The following CAMKMT variants were observed in gnomAD, a reference collection of about 807,000 sequenced individuals.
CAMKMT encodes CaM KMT.
Under a neutral mutation model 48.0 loss-of-function variants are expected in CAMKMT, and 53 were observed. That is an observed-to-expected ratio of 1.10 (90% CI 0.89 to 1.39). The LOEUF is 1.39. Ranked by LOEUF, CAMKMT falls within the 40% of genes most tolerant of loss-of-function variation. The pLI is 0.00. For synonymous variants in CAMKMT, 165 were observed against 152.3 expected (o/e 1.08, Z -0.61); for missense variants, 428 against 402.7 (o/e 1.06, Z -0.54).
chr2:44,771,991 C>A, intron 10 of CAMKMT, 45 bp from the exon 11 acceptor site: 1 of 1,302,046 alleles, frequency 7.7e-7, no homozygotes, highest in Non-Finnish European at 1.1e-6. Context: ...GTAAAGATCC[C>A]TAATTGGAGT....
chr2:44,558,425 A>G (rs1668139037), intron 3 of CAMKMT, among the ~76,000 whole-genome samples: 1 of 152,138 alleles, frequency 6.6e-6, no homozygotes, highest in Admixed American at 6.6e-5. Flanking sequence ...ACCAATTTAC[A>G]TATATGGGAA....
At chr2:44,577,011 G>A (rs898446172) in intron 3 of CAMKMT, among the ~76,000 whole-genome samples, 2 of 152,178 alleles carry the variant, frequency 1.3e-5, no homozygotes, top group Non-Finnish European at 1.5e-5. Context: ...AAGAAATGCC[G>A]TTTCTTCAAA....
chr2:44,669,919 T>G (rs1675232764), intron 3 of CAMKMT, among the ~76,000 whole-genome samples: 1 of 152,226 alleles, frequency 6.6e-6, no homozygotes, highest in Non-Finnish European at 1.5e-5. Context: ...ATTACAGGTG[T>G]GAGTCCCTGT....
Position 44,440,129 on chromosome 2 carries a change from T to A in CAMKMT, c.376+49824T>A, listed in dbSNP as rs143821100. 1.1e-3 allele frequency among the ~76,000 whole-genome samples: 171 copies of A among 152,234 alleles called. 1 individual carries two copies. The highest frequency in any genetic ancestry group is 3.8e-3 in the African/African-American group (157 of 41,556). ...AGGGTTTTATTTGTTGTTGTTTGTG[T>A]TTACTTATACAGGTCTTATAAAAAT... On this transcript the variant is annotated intron_variant, in intron 3 of 10. Coordinates refer to ENST00000378494, the MANE Select transcript of CAMKMT (RefSeq NM_024766.5).
intron 3 of CAMKMT, among the ~76,000 whole-genome samples, chr2:44,454,254 G>C (rs896501230): frequency 6.6e-6 from 1 of 152,056 alleles, no homozygotes; most frequent in Non-Finnish European, 1.5e-5. Flanking sequence ...TTTCTAAGTT[G>C]AGCTAATTGC....
chr2:44,449,350 C>T (rs1667171096), intron 3 of CAMKMT, among the ~76,000 whole-genome samples: 1 of 152,146 alleles, frequency 6.6e-6, no homozygotes, highest in Non-Finnish European at 1.5e-5. Flanking sequence ...CTGACTATCT[C>T]TGTGCTGATA....
chr2:44,404,791 T>G (rs1572781221), intron 3 of CAMKMT, among the ~76,000 whole-genome samples: 1 of 152,232 alleles, frequency 6.6e-6, no homozygotes, highest in South Asian at 2.1e-4. Context: ...CTTTTTCTAC[T>G]GTCTTAGATG....
rs1672019121 is a variant in CAMKMT at position 44,618,641 on chromosome 2, C to G, written c.377-85642C>G. On this transcript the variant is annotated intron_variant, in intron 3 of 10. Transcript: ENST00000378494. The surrounding 1 kb of genome is among the most constrained non-coding windows in gnomAD (Gnocchi z 4.0). ...GATCCTGTCAGGAGCAAGTTGATGACTTAATAGTCTTTCTTGAGTGGATTT... is the reference window on the plus strand; with the variant it reads ...GATCCTGTCAGGAGCAAGTTGATGAGTTAATAGTCTTTCTTGAGTGGATTT... Among the ~76,000 whole-genome samples the G allele has an allele frequency of 6.6e-6, 1 of 152,136 alleles. No homozygotes were observed. The highest frequency in any genetic ancestry group is 1.5e-5 in the Non-Finnish European group (1 of 68,034).
chr2:44,363,035 T>G (rs1339715699), intron 1 of CAMKMT, among the ~76,000 whole-genome samples: 1 of 152,228 alleles, frequency 6.6e-6, no homozygotes, highest in Non-Finnish European at 1.5e-5. Context: ...CTATTGCCAC[T>G]TTACTTGAGA....
chr2:44,741,116 A>G (rs1257105705), intron 7 of CAMKMT, among the ~76,000 whole-genome samples: 2 of 152,226 alleles, frequency 1.3e-5, no homozygotes, highest in East Asian at 1.9e-4. Context: ...CAAGCATATG[A>G]TCAGTGGACT....
intron 3 of CAMKMT, among the ~76,000 whole-genome samples, chr2:44,489,324 C>T (rs1669372580): frequency 6.8e-6 from 1 of 146,856 alleles, no homozygotes; most frequent in Non-Finnish European, 1.5e-5. Context: ...TGGCTCACTG[C>T]AATCTCTGCC....
chr2:44,626,154 T>C (rs1672469483), intron 3 of CAMKMT, among the ~76,000 whole-genome samples: 1 of 152,208 alleles, frequency 6.6e-6, no homozygotes, highest in Admixed American at 6.5e-5. Context: ...TGATCCATAA[T>C]AATGATATCT....
At chr2:44,521,617 C>T (rs552137465) in intron 3 of CAMKMT, among the ~76,000 whole-genome samples, 9 of 152,294 alleles carry the variant, frequency 5.9e-5, no homozygotes, top group Non-Finnish European at 1.0e-4. Context: ...TGAGGCATAA[C>T]GAGGTTAGGC....
At chr2:44,659,036 G>A (rs891882785) in intron 3 of CAMKMT, among the ~76,000 whole-genome samples, 1 of 139,756 alleles carries the variant, frequency 7.2e-6, no homozygotes, top group African/African-American at 2.7e-5. Flanking sequence ...TAGTGATCCT[G>A]TGGTTTTTAT....
intron 3 of CAMKMT, among the ~76,000 whole-genome samples, chr2:44,640,320 T>A (rs1301157145): frequency 6.6e-6 from 1 of 152,208 alleles, no homozygotes; most frequent in Non-Finnish European, 1.5e-5. Context: ...TCCCCTTTTA[T>A]GTAGAGTTTT....
At chr2:44,472,414 C>A (rs181642871) in intron 3 of CAMKMT, among the ~76,000 whole-genome samples, 1 of 152,048 alleles carries the variant, frequency 6.6e-6, no homozygotes, top group African/African-American at 2.4e-5. Flanking sequence ...TAGTAGTCAG[C>A]GAATAAATTG....
At chr2:44,683,714 T>G (rs1573068794) in intron 3 of CAMKMT, among the ~76,000 whole-genome samples, 1 of 147,026 alleles carries the variant, frequency 6.8e-6, no homozygotes, top group Admixed American at 6.9e-5. Flanking sequence ...TCCCAGCTAC[T>G]CGGGAGGCTG....
intron 3 of CAMKMT, among the ~76,000 whole-genome samples, chr2:44,700,460 T>C (rs2104254357): frequency 6.6e-6 from 1 of 152,318 alleles, no homozygotes; most frequent in South Asian, 2.1e-4. Flanking sequence ...TTTCTAGCTT[T>C]TGATTTAAAG....
chr2:44,670,435 T>C (rs1049338676), intron 3 of CAMKMT, among the ~76,000 whole-genome samples: 19 of 152,012 alleles, frequency 1.2e-4, no homozygotes, highest in Non-Finnish European at 4.4e-5. Flanking sequence ...TGGAGTGCAG[T>C]GATTGCACCA....
Sources: gnomAD v4.1 joint callset for allele counts (sites outside exome capture counted in the v4.1 genomes callset) on GRCh38, gnomAD v4.1.1 for gene constraint, Gnocchi (gnomAD v3.1) non-coding constraint, MANE v1.5 for transcripts, NCBI Gene and HGNC (gene_info 2026-07-23, HGNC 2026-07-21) for gene names.